Variants in FGGY observed in about 807,000 individuals in gnomAD.
FGGY encodes the protein FGGY carbohydrate kinase domain-containing protein.
Under a neutral mutation model 71.3 loss-of-function variants are expected in FGGY, and 72 were observed. The ratio of observed to expected loss-of-function variants is 1.01; its 90% CI spans 0.84 to 1.23. The LOEUF (loss-of-function observed/expected upper bound fraction) is 1.23, where lower values mean the gene tolerates loss of function less well. Among genes scored for constraint, FGGY ranks in the 50% most tolerant of loss-of-function variants. FGGY has a pLI of 0.00. For missense variants in FGGY, 668 were observed against 682.3 expected (o/e 0.98, Z 0.23); for synonymous variants, 251 against 250.3 (o/e 1.00, Z -0.02).
chr1:59,742,506 A>G (rs1573934340), intron 14 of FGGY, among the ~76,000 whole-genome samples: 1 of 152,342 alleles, frequency 6.6e-6, no homozygotes, highest in South Asian at 2.1e-4. Context: ...ATTATATGGT[A>G]GTCTTATACA....
At chr1:59,624,257 C>T (rs1039501727) in intron 9 of FGGY, among the ~76,000 whole-genome samples, 6 of 152,064 alleles carry the variant, frequency 3.9e-5, no homozygotes, top group African/African-American at 1.4e-4. Context: ...TGGTTAAGAA[C>T]AAGGTCTTAA....
chr1:59,320,144 T>A (rs1487434187), intron 1 of FGGY, among the ~76,000 whole-genome samples: 2 of 152,186 alleles, frequency 1.3e-5, no homozygotes, highest in Non-Finnish European at 2.9e-5. Flanking sequence ...GCTTCTCCAT[T>A]TTATTTTTCA....
At chr1:59,565,486 G>A (rs534222305) in intron 8 of FGGY, among the ~76,000 whole-genome samples, 4 of 152,214 alleles carry the variant, frequency 2.6e-5, no homozygotes, top group South Asian at 2.1e-4. Context: ...GGGTTTCACC[G>A]CGTTAGCCAG....
chr1:59,386,075 T>C (rs1162201773), intron 5 of FGGY, among the ~76,000 whole-genome samples: 1 of 152,200 alleles, frequency 6.6e-6, no homozygotes, highest in Non-Finnish European at 1.5e-5. Flanking sequence ...AGAATTCCCA[T>C]ATACTTGATG....
chr1:59,571,012 A>T (rs931003608), intron 8 of FGGY, among the ~76,000 whole-genome samples: 1 of 152,138 alleles, frequency 6.6e-6, no homozygotes. Context: ...TTTAATCCAT[A>T]TACATTCAAA....
intron 8 of FGGY, among the ~76,000 whole-genome samples, chr1:59,564,047 G>C (rs1167492496): frequency 6.6e-6 from 1 of 152,122 alleles, no homozygotes; most frequent in African/African-American, 2.4e-5. Context: ...ACTCAAGATG[G>C]ATTAAAGATT....
chr1:59,599,369 G>A (rs573765384), intron 8 of FGGY, among the ~76,000 whole-genome samples: 20 of 152,076 alleles, frequency 1.3e-4, no homozygotes, highest in Admixed American at 6.5e-5. Flanking sequence ...GCCTCCCAAA[G>A]TGCTGGGTTA....
chr1:59,460,270 C>T (rs1461664780), intron 6 of FGGY, among the ~76,000 whole-genome samples: 1 of 152,202 alleles, frequency 6.6e-6, no homozygotes, highest in African/African-American at 2.4e-5. Flanking sequence ...CTCGGCGGGT[C>T]CCATGCCCAG....
intron 8 of FGGY, among the ~76,000 whole-genome samples, chr1:59,579,113 T>C (rs372917310): frequency 2.0e-5 from 3 of 152,144 alleles, no homozygotes; most frequent in African/African-American, 7.2e-5. Context: ...TCTGTGTTCC[T>C]AAATCCAGTA....
intron 7 of FGGY, among the ~76,000 whole-genome samples, chr1:59,549,914 A>G (rs1345585238): frequency 1.3e-5 from 2 of 152,212 alleles, no homozygotes; most frequent in African/African-American, 4.8e-5. Context: ...CTTTTTTAAC[A>G]TTCTTTTTAA....
chr1:59,504,642 T>A (rs12404915), intron 6 of FGGY, among the ~76,000 whole-genome samples: 7,030 of 152,260 alleles, frequency 0.046, 233 homozygotes, highest in Middle Eastern at 0.12. Context: ...TTTCAGAGTT[T>A]TTCCCTCAAC....
At chr1:59,362,339 A>G (rs946024108) in intron 4 of FGGY, among the ~76,000 whole-genome samples, 2 of 151,162 alleles carry the variant, frequency 1.3e-5, no homozygotes, top group Non-Finnish European at 2.9e-5. Context: ...CCTGCCTCCT[A>G]TTTCTTCTCT....
chr1:59,584,418 C>T (rs1398698184), intron 8 of FGGY, among the ~76,000 whole-genome samples: 3 of 149,882 alleles, frequency 2.0e-5, no homozygotes, highest in African/African-American at 7.6e-5. Context: ...ACAACAAAAA[C>T]CATATGATTA....
intron 5 of FGGY, among the ~76,000 whole-genome samples, chr1:59,428,945 G>A (rs115901277): frequency 2.8e-4 from 42 of 152,218 alleles, no homozygotes; most frequent in Non-Finnish European, 4.4e-4. Flanking sequence ...GTCCTTACCC[G>A]CTAGAGTGAA....
At chr1:59,574,643 G>C (rs1163593647) in intron 8 of FGGY, among the ~76,000 whole-genome samples, 1 of 152,072 alleles carries the variant, frequency 6.6e-6, no homozygotes, top group East Asian at 1.9e-4. Flanking sequence ...TCTGCACTCT[G>C]TGTATAGTGA....
chr1:59,448,438 C>T (rs535847587), intron 5 of FGGY, among the ~76,000 whole-genome samples: 10 of 152,086 alleles, frequency 6.6e-5, no homozygotes, highest in Admixed American at 5.2e-4. Context: ...TTGGAAGGCT[C>T]TCCTGGTTCC....
chr1:59,535,322 A>G (rs1440549242), intron 7 of FGGY, among the ~76,000 whole-genome samples: 1 of 152,156 alleles, frequency 6.6e-6, no homozygotes, highest in African/African-American at 2.4e-5. Context: ...GAGCACCCAG[A>G]TTCATAAAGC....
intron 14 of FGGY, among the ~76,000 whole-genome samples, chr1:59,726,919 G>C (rs777274593): frequency 6.6e-6 from 1 of 152,048 alleles, no homozygotes; most frequent in Non-Finnish European, 1.5e-5. Context: ...TAGATACAAA[G>C]AGTACATGTA....
intron 6 of FGGY, among the ~76,000 whole-genome samples, chr1:59,467,101 C>T (rs746688181): frequency 1.3e-5 from 2 of 152,074 alleles, no homozygotes; most frequent in Non-Finnish European, 2.9e-5. Flanking sequence ...GGAACCAAGT[C>T]GAATTTCCAC....
Sources: gnomAD v4.1 joint callset for allele counts (sites outside exome capture counted in the v4.1 genomes callset) on GRCh38, gnomAD v4.1.1 for gene constraint, MANE v1.5 for transcripts, NCBI Gene and HGNC (gene_info 2026-07-23, HGNC 2026-07-21) for gene names.